The following SETBP1 variants were observed in gnomAD, a reference collection of about 807,000 sequenced individuals.
SETBP1 encodes SET binding protein 1, also known as SET-binding protein.
SETBP1 carries 9 observed loss-of-function variants against 101.0 expected under a neutral mutation model. The observed-to-expected ratio is 0.09, with a 90% confidence interval of 0.05 to 0.16. SETBP1 has a LOEUF of 0.16. Among genes scored for constraint, SETBP1 ranks in the 10% least tolerant of loss-of-function variants. SETBP1 has a pLI of 1.00. For missense variants in SETBP1, 1,858 were observed against 2,033.8 expected (o/e 0.91, Z 1.66); for synonymous variants, 818 against 788.5 (o/e 1.04, Z -0.63).
chr18:44,923,274 C>G (rs568996671), intron 3 of SETBP1, among the ~76,000 whole-genome samples: 2 of 152,222 alleles, frequency 1.3e-5, no homozygotes, highest in Non-Finnish European at 2.9e-5. Flanking sequence ...TTTCATTCAG[C>G]TCAATTCCAT....
intron 4 of SETBP1, among the ~76,000 whole-genome samples, chr18:45,017,931 C>T (rs1215240673): frequency 6.6e-6 from 1 of 152,202 alleles, no homozygotes; most frequent in South Asian, 2.1e-4. Flanking sequence ...CCTGGCTGCT[C>T]TCAGTGAGTT....
At chr18:44,959,766 T>C (rs908733382) in intron 4 of SETBP1, among the ~76,000 whole-genome samples, 7 of 152,038 alleles carry the variant, frequency 4.6e-5, no homozygotes, top group African/African-American at 1.7e-4. Context: ...GGGTCTTGAA[T>C]GATACAAGAC....
intron 2 of SETBP1, among the ~76,000 whole-genome samples, chr18:44,731,500 G>T (rs371417824): frequency 6.6e-6 from 1 of 152,078 alleles, no homozygotes; most frequent in African/African-American, 2.4e-5. Context: ...GCTTCATCTC[G>T]ATCTAACCAA....
At chr18:44,894,146 A>G (rs900258543) in intron 3 of SETBP1, among the ~76,000 whole-genome samples, 1 of 152,192 alleles carries the variant, frequency 6.6e-6, no homozygotes, top group Non-Finnish European at 1.5e-5. Flanking sequence ...CAGCAGCCTC[A>G]TAGATTCCTA....
intron 2 of SETBP1, among the ~76,000 whole-genome samples, chr18:44,799,879 A>G (rs1299265642): frequency 2.0e-5 from 3 of 152,094 alleles, no homozygotes; most frequent in Admixed American, 6.6e-5. Flanking sequence ...CTGAATGTGT[A>G]GGTATAGAAA....
chr18:44,977,706 T>C (rs1403986379), intron 4 of SETBP1, among the ~76,000 whole-genome samples: 1 of 152,216 alleles, frequency 6.6e-6, no homozygotes, highest in Non-Finnish European at 1.5e-5. Flanking sequence ...ATTTTAGGGA[T>C]GACAGGCTCA....
At chr18:45,033,575 G>C (rs767526430) in intron 4 of SETBP1, among the ~76,000 whole-genome samples, 5 of 152,232 alleles carry the variant, frequency 3.3e-5, no homozygotes, top group South Asian at 2.1e-4. Context: ...AACCATCCCA[G>C]TGGTGTCAGC....
chr18:45,036,516 C>T (rs2073402483), intron 4 of SETBP1, among the ~76,000 whole-genome samples: 1 of 152,146 alleles, frequency 6.6e-6, no homozygotes. Context: ...ATTTTACAAA[C>T]AAGGCATATT....
At chr18:44,820,871 G>C (rs1032985255) in intron 2 of SETBP1, among the ~76,000 whole-genome samples, 2 of 152,212 alleles carry the variant, frequency 1.3e-5, no homozygotes, top group East Asian at 3.9e-4. Flanking sequence ...GGAAAAGGAA[G>C]ATGGATAAAG....
intron 3 of SETBP1, among the ~76,000 whole-genome samples, chr18:44,920,046 A>G (rs2070544355): frequency 6.6e-6 from 1 of 152,170 alleles, no homozygotes. Flanking sequence ...AGACTGGGTA[A>G]TTTATAAGGA....
At chr18:44,833,224 C>T (rs2072416148) in intron 2 of SETBP1, among the ~76,000 whole-genome samples, 1 of 152,190 alleles carries the variant, frequency 6.6e-6, no homozygotes, top group Non-Finnish European at 1.5e-5. Flanking sequence ...AGGTGGGGCT[C>T]AGCCCTCCAG....
intron 2 of SETBP1, among the ~76,000 whole-genome samples, chr18:44,799,339 T>C (rs948932115): frequency 2.0e-5 from 3 of 152,072 alleles, no homozygotes; most frequent in Non-Finnish European, 4.4e-5. Flanking sequence ...CCACCTAAAC[T>C]TGGCCTTGTT....
intron 4 of SETBP1, among the ~76,000 whole-genome samples, chr18:45,013,517 G>A (rs371076840): frequency 1.3e-5 from 2 of 151,810 alleles, no homozygotes; most frequent in African/African-American, 2.4e-5. Flanking sequence ...TGGGCTCATC[G>A]CAACTTCTGC....
In SETBP1 at chr18:44,950,074, C is replaced by G; in HGVS notation, c.734C>G (p.Thr245Ser). 6.2e-7 allele frequency: 1 copy of G among 1,614,238 alleles called. No individual in the cohort carries two copies. The highest frequency in any genetic ancestry group is 8.5e-7 in the Non-Finnish European group (1 of 1,180,050). ...ATCAGTCCAGAGTCTGGCAGAGAAA[C>G]TGCAAGCACCAGCAAGATCCCCGCT... is the stretch of plus-strand genomic sequence containing the variant. ...CFISPESGRE[T>S]ASTSKIPALE... is the part of the protein sequence containing the mutation. The change falls in exon 4 of 6, where the codon ACT becomes AGT. Residue 245 changes from threonine (T) to serine (S), a missense_variant. Physicochemically the swap from Thr to Ser is moderately conservative, Grantham distance 58. Around this residue, in one of 12 missense-constraint regions of SETBP1, gnomAD observed 581 missense variants for 535.1 expected, o/e 1.09. Coordinates refer to ENST00000649279, the MANE Select transcript of SETBP1 (RefSeq NM_015559.3).
At chr18:44,757,008 A>G (rs2614979) in intron 2 of SETBP1, among the ~76,000 whole-genome samples, 1 of 152,242 alleles carries the variant, frequency 6.6e-6, no homozygotes, top group Non-Finnish European at 1.5e-5. Flanking sequence ...TTTATTTGAC[A>G]AAAGGCAGAT....
At chr18:44,714,015 G>A (rs184983798) in intron 2 of SETBP1, among the ~76,000 whole-genome samples, 3 of 152,206 alleles carry the variant, frequency 2.0e-5, no homozygotes, top group Admixed American at 1.3e-4. Context: ...CTCCGAACCT[G>A]GTTTCTCATT....
intron 2 of SETBP1, among the ~76,000 whole-genome samples, chr18:44,743,745 T>C (rs1289768746): frequency 6.6e-6 from 1 of 152,210 alleles, no homozygotes; most frequent in Non-Finnish European, 1.5e-5. Context: ...GATGCACCTT[T>C]TGTTTCGATT....
At chr18:44,806,981 A>G (rs1212388245) in intron 2 of SETBP1, among the ~76,000 whole-genome samples, 1 of 152,040 alleles carries the variant, frequency 6.6e-6, no homozygotes, top group African/African-American at 2.4e-5. Flanking sequence ...CCATTTCAGG[A>G]TTCCATTATT....
intron 2 of SETBP1, among the ~76,000 whole-genome samples, chr18:44,780,817 T>A (rs1471252472): frequency 6.6e-6 from 1 of 152,210 alleles, no homozygotes; most frequent in Non-Finnish European, 1.5e-5. Context: ...CCAGAGGGGC[T>A]GTCACTTGGT....
Sources: allele counts gnomAD v4.1 joint callset (sites outside exome capture counted in the v4.1 genomes callset), GRCh38; gene constraint gnomAD v4.1.1; regional missense constraint gnomAD v4.1.1; transcripts MANE v1.5; gene names NCBI Gene and HGNC (gene_info 2026-07-23, HGNC 2026-07-21).